HIBCH: variants seen among roughly 807,000 people sequenced by gnomAD.
HIBCH encodes 3-hydroxyisobutyryl-CoA hydrolase.
Under a neutral mutation model 58.2 loss-of-function variants are expected in HIBCH, and 50 were observed. That is an observed-to-expected ratio of 0.86 (90% CI 0.68 to 1.09). The LOEUF (loss-of-function observed/expected upper bound fraction) is 1.09. Among genes scored for constraint, HIBCH ranks in the 50% least tolerant of loss-of-function variants. The pLI, the probability that HIBCH is intolerant of heterozygous loss-of-function variation, is 0.00. For synonymous variants in HIBCH, 151 were observed against 146.9 expected (o/e 1.03, Z -0.20); for missense variants, 450 against 449.7 (o/e 1.00, Z -0.01).
intron 1 of HIBCH, among the ~76,000 whole-genome samples, chr2:190,194,464 C>T (rs1263679741): frequency 2.1e-5 from 3 of 146,216 alleles, no homozygotes; most frequent in South Asian, 4.4e-4. Flanking sequence ...AGTGTTCCCA[C>T]GTATCCTGTG....
intron 6 of HIBCH, among the ~76,000 whole-genome samples, chr2:190,268,438 A>T (rs183501236): frequency 3.7e-4 from 56 of 152,344 alleles, no homozygotes; most frequent in Non-Finnish European, 2.8e-4. Context: ...GAATGTAGTC[A>T]AACTCCTACT....
At chr2:190,203,118 C>G (rs1289617037), downstream of HIBCH, 1 of 167,034 alleles carries the variant, frequency 6.0e-6, no homozygotes, top group African/African-American at 2.4e-5. Flanking sequence ...TACTCAGTAT[C>G]ATTGGCCTTT....
At chr2:190,257,949 G>C (rs1686976082) in intron 7 of HIBCH, among the ~76,000 whole-genome samples, 1 of 152,122 alleles carries the variant, frequency 6.6e-6, no homozygotes, top group South Asian at 2.1e-4. Context: ...ATACAAAAAA[G>C]CAATTATGAA....
chr2:190,247,097 A>C (rs1265228723), intron 9 of HIBCH, among the ~76,000 whole-genome samples: 2 of 151,774 alleles, frequency 1.3e-5, no homozygotes, highest in Non-Finnish European at 1.5e-5. Flanking sequence ...CAAGATTCGC[A>C]CTTATCTTTA....
rs1371344054 is a variant in HIBCH at position 190,236,073 on chromosome 2, AG to A, written c.891+8813del. ...GCTAGATATCACTCAATAAAGCAAAAGGTAAGAGGTTGAGAGAAAAAGACGT... is the reference window on the plus strand; with the variant it reads ...GCTAGATATCACTCAATAAAGCAAAAGTAAGAGGTTGAGAGAAAAAGACGT... On this transcript the variant is annotated intron_variant, in intron 11 of 13. Transcript: ENST00000359678. The surrounding 1 kb of genome is among the most constrained non-coding windows in gnomAD (Gnocchi z 4.1). Among the ~76,000 whole-genome samples, 1 of 152,182 alleles carries A rather than the reference AG, an allele frequency of 6.6e-6. No homozygotes were observed. The highest frequency in any genetic ancestry group is 1.5e-5 in the Non-Finnish European group (1 of 68,038).
intron 11 of HIBCH, among the ~76,000 whole-genome samples, chr2:190,227,462 A>C (rs1210633799): frequency 1.3e-5 from 2 of 152,220 alleles, no homozygotes; most frequent in Non-Finnish European, 2.9e-5. Context: ...AAAACCATAA[A>C]AACCCTAGAA....
In HIBCH at chr2:190,252,301, A is replaced by G. The variant is rs1686798258; in HGVS notation, c.524T>C (p.Phe175Ser). Residue 175 changes from phenylalanine (F) to serine (S), a missense_variant, in exon 8 of 14, where the codon TTC (phenylalanine) becomes TCC (serine). Transcript: ENST00000359678. ...FAMPETAIGL[F>S]PDVGGGYFLP... ...GAAATAACCTCCACCCACATCAGGG[A>G]ACAGTCCTGTAATTAAATGTAACAA... is the stretch of plus-strand genomic sequence containing the variant. The G allele has an allele frequency of 6.2e-7, 1 of 1,612,702 alleles. No homozygotes were observed. The highest frequency in any genetic ancestry group is 1.3e-5 in the African/African-American group (1 of 74,896).
intron 11 of HIBCH, among the ~76,000 whole-genome samples, chr2:190,225,507 C>A (rs2105914064): frequency 6.6e-6 from 1 of 152,310 alleles, no homozygotes; most frequent in Middle Eastern, 3.4e-3. Flanking sequence ...CACAAATAAT[C>A]TAGAAAATCT....
At chr2:190,294,141 A>T (rs1057190083) in intron 4 of HIBCH, among the ~76,000 whole-genome samples, 2 of 150,806 alleles carry the variant, frequency 1.3e-5, no homozygotes, top group African/African-American at 4.9e-5. Flanking sequence ...AAGTTATGGA[A>T]ATATGTGAGA....
intron 11 of HIBCH, among the ~76,000 whole-genome samples, chr2:190,225,814 CA>C (rs1027758777): frequency 6.6e-6 from 1 of 151,904 alleles, no homozygotes; most frequent in Non-Finnish European, 1.5e-5. Context: ...AGAGACACCA[CA>C]AAAAAAGGGA....
At position 190,306,331 on chromosome 2, in the gene HIBCH, T is replaced by C. The variant is rs1026876671; in HGVS notation, c.78+4423A>G. ...ATGAACCCAAGGGCCTGACCACTCC[T>C]TGCCTGGGTCATTTTCAAGGTAGCC... On this transcript the variant is annotated intron_variant, in intron 2 of 13. Transcript: ENST00000359678. The surrounding 1 kb of genome is among the most constrained non-coding windows in gnomAD (Gnocchi z 4.6). Among the ~76,000 whole-genome samples the C allele has an allele frequency of 1.3e-5, 2 of 152,150 alleles. No individual in the cohort carries two copies. Among genetic ancestry groups the C allele is most frequent in the Non-Finnish European group, 2.9e-5 (2 of 68,036 alleles).
At chr2:190,293,823 A>G (rs1688020894) in intron 4 of HIBCH, among the ~76,000 whole-genome samples, 1 of 151,634 alleles carries the variant, frequency 6.6e-6, no homozygotes, top group African/African-American at 2.4e-5. Context: ...AATATGGACA[A>G]TTATAGTGAT....
intron 2 of HIBCH, among the ~76,000 whole-genome samples, chr2:190,303,210 A>G (rs1688314490): frequency 6.6e-6 from 1 of 152,188 alleles, no homozygotes; most frequent in South Asian, 2.1e-4. Context: ...TACATAGTGT[A>G]TATGCATTCT....
At chr2:190,199,418 T>C (rs932398659), downstream of HIBCH, among the ~76,000 whole-genome samples, 7 of 144,086 alleles carry the variant, frequency 4.9e-5, no homozygotes, top group Non-Finnish European at 7.4e-5. Flanking sequence ...CTAGCAAAAA[T>C]TGAATTGTTT....
At position 190,315,410 on chromosome 2, in the gene HIBCH, C is replaced by G. The variant is rs1351258550; in HGVS notation, c.35+4306G>C. ...GAAACTGAAATTCTCTGCCCCACCC[C>G]AGACCTACTGAACAAGAAACTGTGG... On this transcript the variant is annotated intron_variant, in intron 1 of 13. Transcript: ENST00000359678. This position sits in a 1 kb window ranked among gnomAD's most constrained non-coding sequence, Gnocchi z 5.4. Among the ~76,000 whole-genome samples the G allele has an allele frequency of 1.3e-5, 2 of 152,192 alleles. No homozygotes were observed. The highest frequency in any genetic ancestry group is 6.5e-5 in the Admixed American group (1 of 15,280).
chr2:190,285,108 T>G (rs1420463506), intron 6 of HIBCH, among the ~76,000 whole-genome samples: 1 of 152,210 alleles, frequency 6.6e-6, no homozygotes, highest in Non-Finnish European at 1.5e-5. Context: ...AATATTAAAT[T>G]CATCTCTTTC....
At chr2:190,220,610 A>G (rs973795024) in intron 11 of HIBCH, among the ~76,000 whole-genome samples, 2 of 151,820 alleles carry the variant, frequency 1.3e-5, no homozygotes, top group Non-Finnish European at 2.9e-5. Flanking sequence ...CCCCGATTAC[A>G]GGGTACTCCA....
chr2:190,314,350 T>TATATATAC (rs1559068552), intron 1 of HIBCH, among the ~76,000 whole-genome samples: 2 of 31,852 alleles, frequency 6.3e-5, no homozygotes, highest in Admixed American at 1.9e-4. Context: ...TATATATGTG[T>TATATATAC]ATATATACGT....
rs1265600045 is a variant in HIBCH, at chr2:190,298,076, G to T, written c.79-1123C>A. On this transcript the variant is annotated intron_variant, in intron 2 of 13. Coordinates refer to ENST00000359678, the MANE Select transcript of HIBCH (RefSeq NM_014362.4). ...CAGCTTTATCCATGTCCCTGCGAAGGACATGAGCTCATTCTTTTTCATGGC... is the reference window on the plus strand; with the variant it reads ...CAGCTTTATCCATGTCCCTGCGAAGTACATGAGCTCATTCTTTTTCATGGC... 3.3e-5 allele frequency among the ~76,000 whole-genome samples: 5 copies of T among 152,134 alleles called. No homozygotes were observed. In the South Asian group the frequency reaches 1.0e-3, roughly 32 times the overall value.
Sources: allele counts gnomAD v4.1 joint callset (sites outside exome capture counted in the v4.1 genomes callset), GRCh38; gene constraint gnomAD v4.1.1; non-coding constraint Gnocchi (gnomAD v3.1); transcripts MANE v1.5; gene names NCBI Gene and HGNC (gene_info 2026-07-23, HGNC 2026-07-21).